The following HAT1 variants were observed in gnomAD, a reference collection of about 807,000 sequenced individuals.
HAT1 encodes the protein histone acetyltransferase 1.
In HAT1, 20 loss-of-function variants were observed where a neutral mutation model predicts 56.6. The observed-to-expected ratio is 0.35, with a 90% CI of 0.25 to 0.51. The LOEUF is 0.51. Among genes scored for constraint, HAT1 ranks in the 20% least tolerant of loss-of-function variants. The pLI, the probability that HAT1 is intolerant of heterozygous loss-of-function variation, is 0.95. For missense variants in HAT1, 408 were observed against 504.3 expected, an observed-to-expected ratio of 0.81 and a Z score of 1.83; for synonymous variants, 146 against 165.5, an observed-to-expected ratio of 0.88 and a Z score of 0.91.
chr2:171,946,716 C>G lies in HAT1; in HGVS notation c.121C>G (p.Pro41Ala). Residue 41 changes from proline to alanine, a missense_variant, in exon 3 of 11, where the codon CCT (proline) becomes GCT (alanine). Physicochemically the swap from Pro to Ala is conservative, Grantham distance 27. Coordinates refer to ENST00000264108, the MANE Select transcript of HAT1 (RefSeq NM_003642.4). ...TTTGTCCCTTGAAACAGTTCGTTTT[C>G]CTGAAGATCTTGAAAATGACATTAG... is the stretch of plus-strand genomic sequence containing the variant. Reference protein sequence around the residue: ...TAIELKLVRFPEDLENDIRTF... With the variant: ...TAIELKLVRFAEDLENDIRTF... The G allele has an allele frequency of 6.4e-7, 1 of 1,572,428 alleles. No individual in the cohort carries two copies. Among genetic ancestry groups the G allele is most frequent in the Non-Finnish European group, 8.7e-7 (1 of 1,148,200 alleles).
chr2:171,983,205 T>C lies in HAT1; in HGVS notation c.1113T>C (p.Ala371=). ...CTTAGAAAAAGCAGAGAGATCTTGC[T>C]AAGATGAGAAAATGTCTCAGACCAG... is the stretch of plus-strand genomic sequence containing the variant. ...SPYKKKQRDL[A]KMRKCLRPEE... is the part of the protein sequence containing the mutation. The change falls in exon 11 of 11, where the codon GCT becomes GCC. Residue 371 remains alanine, a synonymous_variant. Coordinates refer to ENST00000264108, the MANE Select transcript of HAT1 (RefSeq NM_003642.4). 1 of 1,580,490 alleles carries C rather than the reference T, an allele frequency of 6.3e-7. No individual in the cohort carries two copies. Among genetic ancestry groups the C allele is most frequent in the South Asian group, 1.2e-5 (1 of 85,706 alleles).
chr2:171,942,722 A>C (rs1687047437), intron 2 of HAT1, among the ~76,000 whole-genome samples: 1 of 152,160 alleles, frequency 6.6e-6, no homozygotes, highest in Non-Finnish European at 1.5e-5. Flanking sequence ...TATATATGTC[A>C]CACTGGTTGA....
chr2:171,930,872 C>T (rs1480334291), intron 2 of HAT1, among the ~76,000 whole-genome samples: 1 of 151,944 alleles, frequency 6.6e-6, no homozygotes, highest in African/African-American at 2.4e-5. Context: ...GCCTCAGCTT[C>T]CCAAAGTGCT....
chr2:171,940,185 C>A (rs1162852857), intron 2 of HAT1, among the ~76,000 whole-genome samples: 1 of 152,208 alleles, frequency 6.6e-6, no homozygotes, highest in Non-Finnish European at 1.5e-5. Context: ...GATATGTAAT[C>A]ATTCAAAGAC....
Position 171,952,862 on chromosome 2 carries a change from G to T in HAT1, c.189-19G>T, listed in dbSNP as rs778913880. On this transcript the variant is annotated intron_variant, in intron 3 of 10. Transcript: ENST00000264108. Reference sequence around the variant, plus strand: ...GACTGCAAAAATTCATTCCATTATTGCTATTTTTTCCATTTCAGTGAAACT... The same window carrying T: ...GACTGCAAAAATTCATTCCATTATTTCTATTTTTTCCATTTCAGTGAAACT... The T allele has an allele frequency of 7.7e-6, 12 of 1,557,248 alleles. No homozygotes were observed. Among genetic ancestry groups the T allele is most frequent in the Non-Finnish European group, 9.6e-6 (11 of 1,144,492 alleles).
intron 1 of HAT1, among the ~76,000 whole-genome samples, chr2:171,925,265 T>C (rs1008476667): frequency 6.6e-6 from 1 of 151,880 alleles, no homozygotes; most frequent in African/African-American, 2.4e-5. Flanking sequence ...TAGAGACGGG[T>C]TTCACCATCT....
chr2:171,930,886 G>T (rs920116598), intron 2 of HAT1, among the ~76,000 whole-genome samples: 4 of 151,830 alleles, frequency 2.6e-5, no homozygotes, highest in African/African-American at 9.7e-5. Flanking sequence ...AAGTGCTAGG[G>T]TTGCAGACAT....
chr2:171,982,382 C>G (rs2105351532), intron 10 of HAT1, among the ~76,000 whole-genome samples: 1 of 152,260 alleles, frequency 6.6e-6, no homozygotes, highest in Non-Finnish European at 1.5e-5. Flanking sequence ...TTCATTCTTC[C>G]TTCCTCATAT....
In HAT1 at chr2:171,973,400, C is replaced by CAAAA. The variant is rs67088559; in HGVS notation, c.824-2743_824-2740dup. Among the ~76,000 whole-genome samples, 97 of 133,586 alleles carry CAAAA rather than the reference C, an allele frequency of 7.3e-4. 1 individual carries two copies. The highest frequency in any genetic ancestry group is 6.7e-3 in the South Asian group (28 of 4,160). 87.6% of individuals were successfully genotyped at this position (133,586 alleles called of 152,430 possible). ...TTTAGCATAAGCTCACCAATTTCTG[C>CAAAA]AAAAAAAAAAAAAAAAAGTCTCTTG... On this transcript the variant is annotated intron_variant, in intron 8 of 10. Coordinates refer to ENST00000264108, the MANE Select transcript of HAT1 (RefSeq NM_003642.4).
chr2:171,977,725 T>C (rs1372040997), intron 9 of HAT1, among the ~76,000 whole-genome samples: 1 of 151,496 alleles, frequency 6.6e-6, no homozygotes, highest in Non-Finnish European at 1.5e-5. Context: ...GCTCTGGCTT[T>C]ACTCATCTTC....
chr2:171,954,163 A>G (rs1240078744), intron 4 of HAT1, among the ~76,000 whole-genome samples: 1 of 152,048 alleles, frequency 6.6e-6, no homozygotes, highest in Non-Finnish European at 1.5e-5. Context: ...TTTTTTTGCC[A>G]ACTTTTGTTT....
At chr2:171,980,239 C>T (rs538415168) in intron 10 of HAT1, 2 of 151,960 alleles carry the variant, frequency 1.3e-5, no homozygotes, top group Admixed American at 6.6e-5. Context: ...TTGTTTTTCC[C>T]AAGTTTCTTG....
At chr2:171,939,796 CTTT>C (rs752238366) in intron 2 of HAT1, among the ~76,000 whole-genome samples, 1 of 141,834 alleles carries the variant, frequency 7.1e-6, no homozygotes. Flanking sequence ...TCCTTTTTTT[CTTT>C]TTTTTTTTTT....
intron 9 of HAT1, among the ~76,000 whole-genome samples, chr2:171,976,913 C>T (rs990384908): frequency 6.6e-6 from 1 of 152,212 alleles, no homozygotes; most frequent in South Asian, 2.1e-4. Context: ...TGGTGGCTCA[C>T]GCCTGTAATC....
At chr2:171,937,323 T>G (rs1050865427) in intron 2 of HAT1, among the ~76,000 whole-genome samples, 6 of 152,200 alleles carry the variant, frequency 3.9e-5, no homozygotes, top group Non-Finnish European at 5.9e-5. Flanking sequence ...GAAGTGATTC[T>G]AAGAACTAGG....
At chr2:171,970,563 A>G (rs1293122477) in intron 8 of HAT1, among the ~76,000 whole-genome samples, 23 of 107,592 alleles carry the variant, frequency 2.1e-4, no homozygotes, top group East Asian at 3.3e-4. Context: ...TCTGTCCCCC[A>G]GGCTGGAGTG....
intron 9 of HAT1, among the ~76,000 whole-genome samples, chr2:171,977,557 ATTTTTTTTTTTTTT>A (rs1172067451): frequency 2.4e-4 from 4 of 16,360 alleles, no homozygotes; most frequent in African/African-American, 6.5e-4. Context: ...ATATATATAT[ATTTTTTTTTTTTTT>A]TTTTTTTTAA....
intron 3 of HAT1, among the ~76,000 whole-genome samples, chr2:171,948,479 C>T (rs551580966): frequency 3.6e-4 from 55 of 152,294 alleles, no homozygotes; most frequent in Admixed American, 3.6e-3. Context: ...CCACCTTGGC[C>T]TCCTGAAGTG....
Position 171,923,107 on chromosome 2 carries a change from T to C in HAT1, c.7+600T>C, listed in dbSNP as rs1239297322. ...AGACTTTGTTCCTGAACTGCTCCCT[T>C]CTCTTTTAGGGTTGGACTACTATAA... is the stretch of plus-strand genomic sequence containing the variant. On this transcript the variant is annotated intron_variant, in intron 1 of 10. Coordinates refer to ENST00000264108, the MANE Select transcript of HAT1 (RefSeq NM_003642.4). The C allele has an allele frequency of 3.7e-4, 56 of 152,332 alleles. 1 individual carries two copies. The highest frequency in any genetic ancestry group is 3.7e-3 in the Admixed American group (56 of 15,278). The allele number at this position is 152,332 out of a possible 1,614,324, so 9.4% of individuals were successfully genotyped here. A position where few individuals can be genotyped will look rare whatever the true frequency, so the allele number is the denominator to read the frequency against.
Sources: allele counts gnomAD v4.1 joint callset (sites outside exome capture counted in the v4.1 genomes callset), GRCh38; gene constraint gnomAD v4.1.1; transcripts MANE v1.5; gene names NCBI Gene and HGNC (gene_info 2026-07-23, HGNC 2026-07-21).